CTNNA3: variants seen among roughly 807,000 people sequenced by gnomAD.
CTNNA3 encodes the protein catenin alpha 3, also known as catenin alpha-3.
CTNNA3 carries 76 observed loss-of-function variants against 95.7 expected under a neutral mutation model. That is an observed-to-expected ratio of 0.79 (90% CI 0.66 to 0.96). CTNNA3 has a LOEUF of 0.96. Ranked by LOEUF, CTNNA3 falls within the 40% of genes least tolerant of loss-of-function variation. CTNNA3 has a pLI of 0.00. For synonymous variants in CTNNA3, 431 were observed against 374.4 expected (o/e 1.15, Z -1.74); for missense variants, 1,191 against 1,089.8 (o/e 1.09, Z -1.31).
At chr10:66,642,258 A>C (rs1057488549) in intron 9 of CTNNA3, among the ~76,000 whole-genome samples, 1 of 66,634 alleles carries the variant, frequency 1.5e-5, no homozygotes, top group African/African-American at 4.7e-5. Flanking sequence ...TTTAAAATAC[A>C]CACACACACA....
intron 3 of CTNNA3, among the ~76,000 whole-genome samples, chr10:67,549,465 T>C (rs941115717): frequency 6.6e-6 from 1 of 152,236 alleles, no homozygotes; most frequent in African/African-American, 2.4e-5. Context: ...ATATTAGTTG[T>C]CTTTTGCACA....
chr10:66,398,776 A>G (rs1440082542), intron 11 of CTNNA3, among the ~76,000 whole-genome samples: 2 of 152,004 alleles, frequency 1.3e-5, no homozygotes, highest in Admixed American at 6.6e-5. Context: ...AAATGCAAAG[A>G]GTGCAGTTAG....
chr10:66,863,922 A>C (rs899926986), intron 7 of CTNNA3, among the ~76,000 whole-genome samples: 1 of 152,170 alleles, frequency 6.6e-6, no homozygotes, highest in Non-Finnish European at 1.5e-5. Flanking sequence ...AGTTTATCAC[A>C]GAATTCAGTC....
chr10:67,317,436 T>C (rs1218291569), intron 5 of CTNNA3, among the ~76,000 whole-genome samples: 1 of 151,134 alleles, frequency 6.6e-6, no homozygotes, highest in Non-Finnish European at 1.5e-5. Context: ...TTGTTCTTTT[T>C]TTTTTTTTGA....
At chr10:66,527,015 C>A (rs2631203) in intron 10 of CTNNA3, among the ~76,000 whole-genome samples, 1 of 151,726 alleles carries the variant, frequency 6.6e-6, no homozygotes, top group Non-Finnish European at 1.5e-5. Flanking sequence ...TCTGATGTCA[C>A]GAAGTGTCAC....
chr10:66,617,752 GAA>G (rs1257723072), intron 10 of CTNNA3, among the ~76,000 whole-genome samples: 1 of 151,990 alleles, frequency 6.6e-6, no homozygotes, highest in African/African-American at 2.4e-5. Context: ...ATTCAGTTAG[GAA>G]AAGAGGAAGT....
chr10:66,358,200 A>G (rs551633018), intron 12 of CTNNA3, among the ~76,000 whole-genome samples: 2 of 152,320 alleles, frequency 1.3e-5, no homozygotes, highest in African/African-American at 4.8e-5. Flanking sequence ...TTCAAAGGCT[A>G]GGAGAGTTAA....
rs1414789023 is a variant in CTNNA3, at chr10:65,916,444, G to A, written c.*3886C>T. 1 of 152,044 alleles carries A rather than the reference G, an allele frequency of 6.6e-6. No homozygotes were observed. Among genetic ancestry groups the A allele is most frequent in the Non-Finnish European group, 1.5e-5 (1 of 68,012 alleles). The allele number at this position is 152,044 out of a possible 1,614,324, so 9.4% of individuals were successfully genotyped here. On this transcript the variant is annotated 3_prime_UTR_variant, in exon 18 of 18. Transcript: ENST00000433211. The stretch of plus-strand genomic sequence containing the variant: ...TGTTTATTCTGCAATGAGTTCACAA[G>A]AGAATGGTGGATATCACCAGGAAAA...
intron 5 of CTNNA3, among the ~76,000 whole-genome samples, chr10:67,500,750 C>T (rs146329010): frequency 0.012 from 1,772 of 152,144 alleles, 40 homozygotes; most frequent in African/African-American, 0.04. Flanking sequence ...GATTGCAAAC[C>T]CTGCTTTTTT....
chr10:66,586,360 C>T (rs77511639), intron 10 of CTNNA3, among the ~76,000 whole-genome samples: 4,000 of 152,122 alleles, frequency 0.026, 94 homozygotes, highest in East Asian at 0.057. Context: ...CAAAGCTCTC[C>T]GTGAAATACA....
chr10:67,167,414 T>C (rs1861820932), intron 7 of CTNNA3, among the ~76,000 whole-genome samples: 1 of 152,144 alleles, frequency 6.6e-6, no homozygotes. Flanking sequence ...AGGGGAAATG[T>C]CTCAAAGTTG....
At chr10:66,502,910 T>C (rs1473110246) in intron 11 of CTNNA3, among the ~76,000 whole-genome samples, 1 of 152,106 alleles carries the variant, frequency 6.6e-6, no homozygotes, top group African/African-American at 2.4e-5. Flanking sequence ...GCATACTCTT[T>C]TAAGTATATC....
At chr10:66,080,839 G>A (rs547532523) in intron 14 of CTNNA3, among the ~76,000 whole-genome samples, 6 of 152,186 alleles carry the variant, frequency 3.9e-5, no homozygotes, top group African/African-American at 1.2e-4. Context: ...TTACTGAATA[G>A]GCTTCTACCC....
chr10:67,474,953 T>G (rs1186165588), intron 5 of CTNNA3, among the ~76,000 whole-genome samples: 1 of 152,198 alleles, frequency 6.6e-6, no homozygotes, highest in Admixed American at 6.5e-5. Flanking sequence ...AAAACTTACA[T>G]TCATGTAAAA....
chr10:67,553,185 A>G (rs1423863891), intron 3 of CTNNA3, among the ~76,000 whole-genome samples: 1 of 152,188 alleles, frequency 6.6e-6, no homozygotes, highest in Non-Finnish European at 1.5e-5. Flanking sequence ...ATAAAGTTCA[A>G]CAACTCCTTT....
intron 7 of CTNNA3, among the ~76,000 whole-genome samples, chr10:66,905,222 G>A (rs993989715): frequency 2.6e-5 from 4 of 152,120 alleles, no homozygotes; most frequent in Admixed American, 6.6e-5. Flanking sequence ...CCTTTGCAGG[G>A]ACATCGATGA....
At chr10:66,096,223 A>G (rs1414398430) in intron 14 of CTNNA3, among the ~76,000 whole-genome samples, 1 of 152,178 alleles carries the variant, frequency 6.6e-6, no homozygotes, top group Non-Finnish European at 1.5e-5. Context: ...CCACTCACCT[A>G]CAAGACACTA....
chr10:66,473,730 T>G (rs1442487743), intron 11 of CTNNA3, among the ~76,000 whole-genome samples: 1 of 152,048 alleles, frequency 6.6e-6, no homozygotes, highest in African/African-American at 2.4e-5. Flanking sequence ...GTGTTCTCAT[T>G]GTTCAATTCC....
chr10:66,666,500 A>G (rs2132457948), intron 9 of CTNNA3, among the ~76,000 whole-genome samples: 1 of 152,292 alleles, frequency 6.6e-6, no homozygotes, highest in South Asian at 2.1e-4. Flanking sequence ...GTCATATAAG[A>G]GTCTCTTATA....
Sources: allele counts gnomAD v4.1 joint callset (sites outside exome capture counted in the v4.1 genomes callset), GRCh38; gene constraint gnomAD v4.1.1; transcripts MANE v1.5; gene names NCBI Gene and HGNC (gene_info 2026-07-23, HGNC 2026-07-21).